The following PDE4D variants were observed in gnomAD, a reference collection of about 807,000 sequenced individuals.
The protein encoded by PDE4D is 3',5'-cyclic-AMP phosphodiesterase 4D.
In PDE4D, 24 loss-of-function variants were observed where a neutral mutation model predicts 87.4. The observed-to-expected ratio is 0.27, with a 90% CI of 0.20 to 0.39. The LOEUF (loss-of-function observed/expected upper bound fraction) is 0.39, where lower values mean the gene tolerates loss of function less well. PDE4D is among the 10% of genes least tolerant of loss of function. The pLI, the probability that PDE4D is intolerant of heterozygous loss-of-function variation, is 1.00. For missense variants in PDE4D, 714 were observed against 1,041.0 expected, an observed-to-expected ratio of 0.69 and a Z score of 4.32; for synonymous variants, 384 against 383.2, an observed-to-expected ratio of 1.00 and a Z score of -0.02.
chr5:60,094,284 A>C (rs1272307364), intron 2 of PDE4D, among the ~76,000 whole-genome samples: 1 of 152,188 alleles, frequency 6.6e-6, no homozygotes, highest in Non-Finnish European at 1.5e-5. Flanking sequence ...CATCAAAAAC[A>C]AAGTTGAAGG....
intron 1 of PDE4D, among the ~76,000 whole-genome samples, chr5:59,311,997 G>C (rs1772766393): frequency 6.6e-6 from 1 of 152,076 alleles, no homozygotes. Context: ...TCCTTTGGAG[G>C]TGAAAGAGGG....
At chr5:59,354,478 C>T (rs534975169) in intron 1 of PDE4D, among the ~76,000 whole-genome samples, 9 of 152,028 alleles carry the variant, frequency 5.9e-5, no homozygotes, top group Non-Finnish European at 1.0e-4. Context: ...TTTAACTGTG[C>T]GTGCATGTGC....
intron 1 of PDE4D, among the ~76,000 whole-genome samples, chr5:59,766,415 ACC>A (rs1762800966): frequency 6.6e-6 from 1 of 152,214 alleles, no homozygotes; most frequent in Admixed American, 6.5e-5. Context: ...TCCAAACAGC[ACC>A]AGAAAAGGAA....
intron 1 of PDE4D, among the ~76,000 whole-genome samples, chr5:59,606,758 CA>C (rs1309135298): frequency 6.6e-6 from 1 of 152,090 alleles, no homozygotes; most frequent in African/African-American, 2.4e-5. Context: ...TAATCTTCCA[CA>C]AAAGTACTAC....
At chr5:60,394,508 C>T (rs958143082) in intron 1 of PDE4D, among the ~76,000 whole-genome samples, 14 of 152,130 alleles carry the variant, frequency 9.2e-5, no homozygotes, top group Non-Finnish European at 1.6e-4. Context: ...AATTGCCTAT[C>T]GATTTGTCTA....
At chr5:59,801,063 G>A (rs142527009) in intron 1 of PDE4D, among the ~76,000 whole-genome samples, 1,579 of 152,100 alleles carry the variant, frequency 0.01, 19 homozygotes, top group Middle Eastern at 0.017. Context: ...TTGAATAATT[G>A]TGGGAATTCT....
intron 1 of PDE4D, among the ~76,000 whole-genome samples, chr5:60,510,147 A>C (rs1374452707): frequency 6.6e-6 from 1 of 152,192 alleles, no homozygotes. Flanking sequence ...GGAATCAAAA[A>C]AGAGTGGAGT....
intron 3 of PDE4D, among the ~76,000 whole-genome samples, chr5:59,960,293 T>C (rs1457115232): frequency 2.0e-5 from 3 of 152,158 alleles, no homozygotes; most frequent in Non-Finnish European, 2.9e-5. Context: ...AGTTTGGAGA[T>C]TTCCAAAAGA....
At position 58,975,139 on chromosome 5, in the gene PDE4D, A is replaced by C. The variant is rs1743390572; in HGVS notation, c.2014-59T>G. On this transcript the variant is annotated intron_variant, in intron 14 of 14. Coordinates refer to ENST00000340635, the MANE Select transcript of PDE4D (RefSeq NM_001104631.2). This position sits in a 1 kb window ranked among gnomAD's most constrained non-coding sequence, Gnocchi z 4.2. ...ACTTGGGACTAAGAAACAATGGAAA[A>C]GCTTAATTAGATCATGGCCCACAAA... 1 of 1,030,770 alleles carries C rather than the reference A, an allele frequency of 9.7e-7. No homozygotes were observed. Among genetic ancestry groups the C allele is most frequent in the Admixed American group, 3.1e-5 (1 of 31,912 alleles). 63.9% of individuals were successfully genotyped at this position (1,030,770 alleles called of 1,614,324 possible).
Position 59,500,660 on chromosome 5 carries a change from C to T in PDE4D, c.456-284692G>A, listed in dbSNP as rs568175392. Among the ~76,000 whole-genome samples the T allele has an allele frequency of 3.3e-5, 5 of 152,242 alleles. No homozygotes were observed. The East Asian group carries it at 9.6e-4, about 29-fold the overall frequency. ...TGAAAAACTCCCTATGGTCCTATGT[C>T]ACTACGTGGGCAGTGGGATCATTAC... On this transcript the variant is annotated intron_variant, in intron 1 of 14. Coordinates refer to ENST00000340635, the MANE Select transcript of PDE4D (RefSeq NM_001104631.2).
chr5:59,840,617 A>G (rs892570705), intron 1 of PDE4D, among the ~76,000 whole-genome samples: 2 of 151,992 alleles, frequency 1.3e-5, no homozygotes, highest in African/African-American at 4.8e-5. Context: ...GGAAAAAGGG[A>G]GATTTAGAGA....
At chr5:59,568,962 T>C (rs1228116923) in intron 1 of PDE4D, among the ~76,000 whole-genome samples, 3 of 152,160 alleles carry the variant, frequency 2.0e-5, no homozygotes, top group Non-Finnish European at 2.9e-5. Context: ...TATAAGACTT[T>C]AATAAAAGGC....
chr5:60,431,660 C>T (rs1173863469), intron 1 of PDE4D, among the ~76,000 whole-genome samples: 7 of 151,316 alleles, frequency 4.6e-5, no homozygotes, highest in African/African-American at 1.7e-4. Context: ...TCCTCACTTC[C>T]CAGACGGGGT....
chr5:59,943,796 C>G (rs1403753281), intron 3 of PDE4D, among the ~76,000 whole-genome samples: 1 of 152,144 alleles, frequency 6.6e-6, no homozygotes, highest in African/African-American at 2.4e-5. Context: ...AATGAGATTG[C>G]AGAATTCCAA....
Position 59,552,406 on chromosome 5 carries a change from G to C in PDE4D, c.456-336438C>G, listed in dbSNP as rs369008558. Among the ~76,000 whole-genome samples the C allele has an allele frequency of 9.9e-4, 150 of 152,126 alleles. 1 individual carries two copies. Among genetic ancestry groups the C allele is most frequent in the African/African-American group, 3.0e-3 (124 of 41,508 alleles). ...AAATACCCACATAGCTATAAAGTCA[G>C]TTTTCATTTTATATTTTATGTTTCA... On this transcript the variant is annotated intron_variant, in intron 1 of 14. Coordinates refer to ENST00000340635, the MANE Select transcript of PDE4D (RefSeq NM_001104631.2).
chr5:60,018,068 T>C (rs1194719999), intron 2 of PDE4D, among the ~76,000 whole-genome samples: 1 of 152,178 alleles, frequency 6.6e-6, no homozygotes, highest in Non-Finnish European at 1.5e-5. Flanking sequence ...CTTTTTCTCA[T>C]GTGTCTGTTG....
At chr5:59,203,145 A>T (rs1429452168) in intron 2 of PDE4D, among the ~76,000 whole-genome samples, 1 of 152,086 alleles carries the variant, frequency 6.6e-6, no homozygotes, top group African/African-American at 2.4e-5. Flanking sequence ...GGAGTTTGAA[A>T]CCAGCTTGGG....
chr5:60,295,194 G>C (rs932826855), intron 1 of PDE4D, among the ~76,000 whole-genome samples: 1 of 152,086 alleles, frequency 6.6e-6, no homozygotes, highest in East Asian at 1.9e-4. Context: ...AATTTGTATT[G>C]ACTGAGATAC....
chr5:60,432,093 A>G (rs113915021), intron 1 of PDE4D, among the ~76,000 whole-genome samples: 1 of 150,114 alleles, frequency 6.7e-6, no homozygotes, highest in Non-Finnish European at 1.5e-5. Context: ...CGTGGGGAGA[A>G]GGAGAGGGAG....
Sources: gnomAD v4.1 joint callset for allele counts (sites outside exome capture counted in the v4.1 genomes callset) on GRCh38, gnomAD v4.1.1 for gene constraint, Gnocchi (gnomAD v3.1) non-coding constraint, MANE v1.5 for transcripts, NCBI Gene and HGNC (gene_info 2026-07-23, HGNC 2026-07-21) for gene names.